Variants in ZNF385D observed in about 807,000 individuals in gnomAD.
ZNF385D encodes the protein zinc finger protein 659.
A neutral mutation model predicts 35.8 loss-of-function variants in ZNF385D; 15 were observed. That is an observed-to-expected ratio of 0.42 (90% CI 0.28 to 0.64). The LOEUF (loss-of-function observed/expected upper bound fraction) is 0.64. Ranked by LOEUF, ZNF385D falls within the 30% of genes least tolerant of loss-of-function variation. The pLI is 0.23. For missense variants in ZNF385D, 474 were observed against 494.6 expected (o/e 0.96, Z 0.39); for synonymous variants, 212 against 186.8 (o/e 1.13, Z -1.10).
chr3:21,477,030 A>G (rs909651803), intron 4 of ZNF385D, among the ~76,000 whole-genome samples: 5 of 152,096 alleles, frequency 3.3e-5, no homozygotes, highest in Admixed American at 1.3e-4. Flanking sequence ...CCAGCCTACA[A>G]TATTTAAGTC....
intron 3 of ZNF385D, among the ~76,000 whole-genome samples, chr3:21,761,215 C>T (rs747111417): frequency 1.3e-5 from 2 of 152,094 alleles, no homozygotes; most frequent in Non-Finnish European, 2.9e-5. Flanking sequence ...CAGCCATGAT[C>T]GATATTTTAG....
At chr3:21,784,919 T>G (rs934197087) in intron 3 of ZNF385D, among the ~76,000 whole-genome samples, 1 of 151,372 alleles carries the variant, frequency 6.6e-6, no homozygotes, top group Non-Finnish European at 1.5e-5. Context: ...GCATTTTAAT[T>G]TTTTTAAATG....
chr3:21,632,699 C>T (rs530239698), intron 2 of ZNF385D, among the ~76,000 whole-genome samples: 4 of 152,222 alleles, frequency 2.6e-5, no homozygotes, highest in South Asian at 4.1e-4. Context: ...TCAGCTGACA[C>T]GAACTGTTGC....
At chr3:21,821,667 A>G (rs1266430826) in intron 3 of ZNF385D, among the ~76,000 whole-genome samples, 1 of 152,196 alleles carries the variant, frequency 6.6e-6, no homozygotes, top group Admixed American at 6.5e-5. Flanking sequence ...CTTGATTGCA[A>G]AAACTAAAAA....
At chr3:21,575,229 C>G (rs1159891053) in intron 2 of ZNF385D, among the ~76,000 whole-genome samples, 1 of 152,084 alleles carries the variant, frequency 6.6e-6, no homozygotes, top group African/African-American at 2.4e-5. Flanking sequence ...CAAAATTTAA[C>G]AGGAGTATCA....
chr3:22,138,015 A>G (rs961285368), intron 3 of ZNF385D, among the ~76,000 whole-genome samples: 26 of 152,196 alleles, frequency 1.7e-4, no homozygotes, highest in Non-Finnish European at 3.1e-4. Context: ...AAGCAATCGT[A>G]TACACCAATA....
chr3:21,433,358 T>A (rs901868443), intron 5 of ZNF385D, among the ~76,000 whole-genome samples: 1 of 152,206 alleles, frequency 6.6e-6, no homozygotes, highest in African/African-American at 2.4e-5. Context: ...GTATATAATG[T>A]GTTTCTAAAG....
chr3:21,770,886 A>G (rs1437192692), intron 3 of ZNF385D, among the ~76,000 whole-genome samples: 2 of 152,150 alleles, frequency 1.3e-5, no homozygotes, highest in Non-Finnish European at 2.9e-5. Flanking sequence ...TGGCACATAT[A>G]CACCATGGAA....
chr3:21,798,047 T>C (rs1010647664), intron 3 of ZNF385D, among the ~76,000 whole-genome samples: 1 of 152,174 alleles, frequency 6.6e-6, no homozygotes, highest in African/African-American at 2.4e-5. Flanking sequence ...CAATGATGTG[T>C]CAATGCAAGT....
intron 4 of ZNF385D, among the ~76,000 whole-genome samples, chr3:21,479,184 C>A (rs564135248): frequency 1.1e-4 from 17 of 149,462 alleles, no homozygotes; most frequent in South Asian, 4.2e-4. Context: ...TTAGAGGAGT[C>A]TAGAGCTCTA....
At position 21,418,381 on chromosome 3, in the gene ZNF385D, A is replaced by G. The variant is rs1215542348; in HGVS notation, c.*2833T>C. 6.6e-6 allele frequency: 1 copy of G among 152,186 alleles called. No individual in the cohort carries two copies. Among genetic ancestry groups the G allele is most frequent in the Non-Finnish European group, 1.5e-5 (1 of 68,020 alleles). The allele number at this position is 152,186 out of a possible 1,614,324, so 9.4% of individuals were successfully genotyped here. ...ATGTTAATCTGGTATTGGTAAATAT[A>G]TGGAGTGTGGGGGAAACAACTCACA... On this transcript the variant is annotated 3_prime_UTR_variant, in exon 8 of 8. Transcript: ENST00000281523.
At chr3:22,294,548 G>T (rs1399039769) in intron 2 of ZNF385D, among the ~76,000 whole-genome samples, 2 of 151,864 alleles carry the variant, frequency 1.3e-5, no homozygotes, top group African/African-American at 2.4e-5. Flanking sequence ...CTGGCTAAAT[G>T]GATATATTGA....
At chr3:22,238,806 C>T (rs959176579) in intron 2 of ZNF385D, among the ~76,000 whole-genome samples, 2 of 150,812 alleles carry the variant, frequency 1.3e-5, no homozygotes, top group Non-Finnish European at 2.9e-5. Flanking sequence ...GAACAGGGCT[C>T]ACTGCAGCCT....
At chr3:21,454,873 T>C (rs1376043279) in intron 4 of ZNF385D, among the ~76,000 whole-genome samples, 2 of 152,216 alleles carry the variant, frequency 1.3e-5, no homozygotes, top group Non-Finnish European at 2.9e-5. Flanking sequence ...CTTAAGCTGA[T>C]AAGCAACTTC....
At chr3:22,140,508 A>T (rs996815585) in intron 3 of ZNF385D, among the ~76,000 whole-genome samples, 1 of 152,120 alleles carries the variant, frequency 6.6e-6, no homozygotes, top group African/African-American at 2.4e-5. Flanking sequence ...TATGTGATAA[A>T]ATTTCATAGA....
chr3:21,910,484 A>G lies in ZNF385D; in HGVS notation c.326-245456T>C, dbSNP rs553061004. On this transcript the variant is annotated intron_variant, in intron 3 of 5. Transcript: ENST00000494108. ...TTTGCTTTCTGCTAAAACTACAAAT[A>G]CTAAACAGTAGAATTTACTACTTTC... 1.4e-4 allele frequency among the ~76,000 whole-genome samples: 22 copies of G among 152,084 alleles called. No individual in the cohort carries two copies. In the East Asian group the frequency reaches 3.9e-3, roughly 27 times the overall value.
chr3:21,677,746 G>A (rs1468273737), intron 1 of ZNF385D, among the ~76,000 whole-genome samples: 1 of 151,832 alleles, frequency 6.6e-6, no homozygotes, highest in East Asian at 1.9e-4. Context: ...TCTAAATTTT[G>A]AGTAGTTCAT....
At chr3:22,133,428 G>A (rs535049296) in intron 3 of ZNF385D, among the ~76,000 whole-genome samples, 1 of 151,870 alleles carries the variant, frequency 6.6e-6, no homozygotes, top group Admixed American at 6.6e-5. Context: ...GAGAAGAGGA[G>A]GGAGAGAGAA....
intron 4 of ZNF385D, among the ~76,000 whole-genome samples, chr3:21,469,205 A>C (rs1435752110): frequency 6.6e-6 from 1 of 152,204 alleles, no homozygotes; most frequent in Non-Finnish European, 1.5e-5. Flanking sequence ...AAAGCAATTA[A>C]AACTTCCTCA....
Sources: allele counts gnomAD v4.1 joint callset (sites outside exome capture counted in the v4.1 genomes callset), GRCh38; gene constraint gnomAD v4.1.1; transcripts MANE v1.5; gene names NCBI Gene and HGNC (gene_info 2026-07-23, HGNC 2026-07-21).